The following PRSS16 variants were observed in gnomAD, a reference collection of about 807,000 sequenced individuals.
PRSS16 encodes serine protease 16, also known as thymus-specific serine protease.
A neutral mutation model predicts 61.7 loss-of-function variants in PRSS16; 43 were observed. That is an observed-to-expected ratio of 0.70 (90% CI 0.55 to 0.90). The LOEUF is 0.90. PRSS16 is among the 40% of genes least tolerant of loss of function. The pLI, the probability that PRSS16 is intolerant of heterozygous loss-of-function variation, is 0.00. For synonymous variants in PRSS16, 273 were observed against 285.2 expected (o/e 0.96, Z 0.43); for missense variants, 591 against 659.1 (o/e 0.90, Z 1.13).
At chr6:27,248,582 A>C (rs1761270118) in intron 2 of PRSS16, among the ~76,000 whole-genome samples, 1 of 152,118 alleles carries the variant, frequency 6.6e-6, no homozygotes, top group Admixed American at 6.6e-5. Flanking sequence ...AGAAATAGCA[A>C]GTTCCTTCAA....
chr6:27,251,110 G>A lies in PRSS16; in HGVS notation c.660G>A (p.Glu220=), dbSNP rs1325617719. 1 of 1,614,138 alleles carries A rather than the reference G, an allele frequency of 6.2e-7. No homozygotes were observed. The highest frequency in any genetic ancestry group is 1.7e-5 in the Admixed American group (1 of 60,032). ...TGCGGGCCGTGCTGGATTTCTCCGAGTATAATGACGTAAGGATGGCGGGCA... is the reference window on the plus strand; with the variant it reads ...TGCGGGCCGTGCTGGATTTCTCCGAATATAATGACGTAAGGATGGCGGGCA... The part of the protein sequence containing the change: ...APVRAVLDFS[E]YNDVVSRSLM... Residue 220 remains glutamate (E), a synonymous_variant, in exon 6 of 12, where the codon GAG becomes GAA. Transcript: ENST00000230582. The surrounding 1 kb of genome is among the most constrained non-coding windows in gnomAD (Gnocchi z 5.6).
chr6:27,254,857 G>C lies in PRSS16; in HGVS notation c.1315G>C (p.Val439Leu), dbSNP rs1325274392. 3 of 1,613,976 alleles carry C rather than the reference G, an allele frequency of 1.9e-6. No individual in the cohort carries two copies. The highest frequency in any genetic ancestry group is 2.5e-6 in the Non-Finnish European group (3 of 1,179,980). ...TGGCCAGACCCCTGGGGCTAACAAA[G>C]TGCTGTTTGTTAATGGTGAGCATGC... ...YGGQTPGANKVLFVNGDTDPW... is the reference protein window; with the variant it reads ...YGGQTPGANKLLFVNGDTDPW... The change falls in exon 10 of 12, where the codon GTG becomes CTG. Residue 439 changes from valine to leucine, a missense_variant. Physicochemically the swap from Val to Leu is conservative, Grantham distance 32 (BLOSUM62 1). Coordinates refer to ENST00000230582, the MANE Select transcript of PRSS16 (RefSeq NM_005865.4).
intron 4 of PRSS16, among the ~76,000 whole-genome samples, chr6:27,249,621 G>A (rs1438402450): frequency 6.6e-6 from 1 of 152,158 alleles, no homozygotes; most frequent in African/African-American, 2.4e-5. Flanking sequence ...GATCCTCCCT[G>A]GCTTAAGTCC....
chr6:27,251,163 G>T lies in PRSS16; in HGVS notation c.669+44G>T. 6.2e-7 allele frequency: 1 copy of T among 1,613,994 alleles called. No individual in the cohort carries two copies. The highest frequency in any genetic ancestry group is 8.5e-7 in the Non-Finnish European group (1 of 1,180,008). Reference sequence around the variant, plus strand: ...AGGTGCGGGACGGGGAGGGGTCCCAGCGGGCGGAGTCCCTTGACACTTCCG... The same window carrying T: ...AGGTGCGGGACGGGGAGGGGTCCCATCGGGCGGAGTCCCTTGACACTTCCG... On this transcript the variant is annotated intron_variant, in intron 6 of 11. Coordinates refer to ENST00000230582, the MANE Select transcript of PRSS16 (RefSeq NM_005865.4). The surrounding 1 kb of genome is among the most constrained non-coding windows in gnomAD (Gnocchi z 5.6).
chr6:27,251,573 C>A lies in PRSS16; in HGVS notation c.718-177C>A. 3 of 440,076 alleles carry A rather than the reference C, an allele frequency of 6.8e-6. No homozygotes were observed. Among genetic ancestry groups the A allele is most frequent in the Non-Finnish European group, 3.3e-6 (1 of 305,492 alleles). The allele number at this position is 440,076 out of a possible 1,614,324, so 27.3% of individuals were successfully genotyped here. A position where few individuals can be genotyped will look rare whatever the true frequency, so the allele number is the denominator to read the frequency against. ...AGGGAAGACCCGAGAAGGAGGGCTG[C>A]GAGGCAGGGGATTGGGGGCGGGGGC... On this transcript the variant is annotated intron_variant, in intron 7 of 11. Coordinates refer to ENST00000230582, the MANE Select transcript of PRSS16 (RefSeq NM_005865.4). The surrounding 1 kb of genome is among the most constrained non-coding windows in gnomAD (Gnocchi z 5.6).
chr6:27,252,665 C>T lies in PRSS16; in HGVS notation c.1009-143C>T. ...TCACAAGGACCCAGGCATCCACCCC[C>T]TCTGACCACTGACTCCCAGGAGAAC... On this transcript the variant is annotated intron_variant, in intron 8 of 11. Coordinates refer to ENST00000230582, the MANE Select transcript of PRSS16 (RefSeq NM_005865.4). This position sits in a 1 kb window ranked among gnomAD's most constrained non-coding sequence, Gnocchi z 4.2. The T allele has an allele frequency of 1.2e-6, 1 of 827,516 alleles. No individual in the cohort carries two copies. Among genetic ancestry groups the T allele is most frequent in the Non-Finnish European group, 1.9e-6 (1 of 525,712 alleles). 51.3% of individuals were successfully genotyped at this position (827,516 alleles called of 1,614,324 possible).
intron 9 of PRSS16, 34 bp from the exon 10 acceptor site, chr6:27,254,659 G>C: frequency 6.4e-7 from 1 of 1,555,992 alleles, no homozygotes; most frequent in African/African-American, 1.4e-5. Context: ...TGGGCTGCCT[G>C]TATACCCACA....
In PRSS16 at chr6:27,247,986, G is replaced by C; in HGVS notation, c.175G>C (p.Val59Leu). 1.2e-6 allele frequency: 2 copies of C among 1,613,382 alleles called. No homozygotes were observed. The highest frequency in any genetic ancestry group is 3.3e-5 in the Admixed American group (2 of 59,914). ...GCCAGGTGCTGCAGCCCTCCCAAAA[G>C]TGGGGTGGCTGGAGCAACTGCTGGA... Reference protein sequence around the residue: ...LGPGAAALPKVGWLEQLLDPF... With the variant: ...LGPGAAALPKLGWLEQLLDPF... Residue 59 changes from valine (V) to leucine (L), a missense_variant, in exon 2 of 12, where the codon GTG becomes CTG. Val to Leu is a conservative substitution (Grantham distance 32, BLOSUM62 1). Transcript: ENST00000230582.
chr6:27,251,079 C>T lies in PRSS16; in HGVS notation c.629C>T (p.Ala210Val), dbSNP rs368386726. 1.9e-6 allele frequency: 3 copies of T among 1,614,002 alleles called. No individual in the cohort carries two copies. The African/African-American group carries it at 4.0e-5, about 22-fold the overall frequency. Reference protein sequence around the residue: ...HLIFASVASSAPVRAVLDFSE... With the variant: ...HLIFASVASSVPVRAVLDFSE... ...ATTTTCGCGTCGGTCGCCTCCTCCG[C>T]CCCGGTGCGGGCCGTGCTGGATTTC... Residue 210 changes from alanine (A) to valine (V), a missense_variant, in exon 6 of 12, where the codon GCC (alanine) becomes GTC (valine). By Grantham distance (64) the Ala-to-Val change is moderately conservative (BLOSUM62 0). Transcript: ENST00000230582. The surrounding 1 kb of genome is among the most constrained non-coding windows in gnomAD (Gnocchi z 5.6).
At position 27,251,084 on chromosome 6, in the gene PRSS16, G is replaced by C; in HGVS notation, c.634G>C (p.Val212Leu). 3.1e-6 allele frequency: 5 copies of C among 1,614,100 alleles called. No individual in the cohort carries two copies. The highest frequency in any genetic ancestry group is 4.2e-6 in the Non-Finnish European group (5 of 1,180,030). Reference protein sequence around the residue: ...IFASVASSAPVRAVLDFSEYN... With the variant: ...IFASVASSAPLRAVLDFSEYN... ...CGCGTCGGTCGCCTCCTCCGCCCCG[G>C]TGCGGGCCGTGCTGGATTTCTCCGA... The change falls in exon 6 of 12, where the codon GTG (valine) becomes CTG (leucine). Residue 212 changes from valine (V) to leucine (L), a missense_variant. Physicochemically the swap from Val to Leu is conservative, Grantham distance 32. Coordinates refer to ENST00000230582, the MANE Select transcript of PRSS16 (RefSeq NM_005865.4). This position sits in a 1 kb window ranked among gnomAD's most constrained non-coding sequence, Gnocchi z 5.6.
intron 9 of PRSS16, chr6:27,253,588 T>C: frequency 2.8e-6 from 1 of 352,438 alleles, no homozygotes; most frequent in Non-Finnish European, 5.7e-6. Context: ...CAGTTAAATT[T>C]GAATTTCAGA....
In PRSS16 at chr6:27,254,480, T is replaced by A. The variant is rs116416885; in HGVS notation, c.1151-213T>A. On this transcript the variant is annotated intron_variant, in intron 9 of 11. Transcript: ENST00000230582. ...TGAGCCCATCATGTTTCCTCTGGGA[T>A]CCCTGCCTTGTGGCCTTTTTCCATC... The A allele has an allele frequency of 4.1e-3, 2,149 of 526,260 alleles. 20 individuals are homozygous for A. The highest frequency in any genetic ancestry group is 0.028 in the African/African-American group (1,495 of 52,762). 32.6% of individuals were successfully genotyped at this position (526,260 alleles called of 1,614,324 possible). A position where few individuals can be genotyped will look rare whatever the true frequency, so the allele number is the denominator to read the frequency against.
Position 27,254,676 on chromosome 6 carries a change from G to A in PRSS16, c.1151-17G>A, listed in dbSNP as rs1445166923. On this transcript the variant is annotated splice_polypyrimidine_tract_variant and intron_variant, in intron 9 of 11. Transcript: ENST00000230582. The stretch of plus-strand genomic sequence containing the variant: ...GGCTGCCTGTATACCCACACTTACA[G>A]GTATCTCCCTACACAGATGTCACCT... 6.3e-7 allele frequency: 1 copy of A among 1,597,212 alleles called. No homozygotes were observed. Among genetic ancestry groups the A allele is most frequent in the Non-Finnish European group, 8.6e-7 (1 of 1,165,340 alleles).
chr6:27,247,996 T>C lies in PRSS16; in HGVS notation c.185T>C (p.Leu62Pro). The C allele has an allele frequency of 6.2e-7, 1 of 1,613,666 alleles. No individual in the cohort carries two copies. Among genetic ancestry groups the C allele is most frequent in the South Asian group, 1.1e-5 (1 of 91,002 alleles). ...GCAGCCCTCCCAAAAGTGGGGTGGCTGGAGCAACTGCTGGACCCCTTCAAC... is the reference window on the plus strand; with the variant it reads ...GCAGCCCTCCCAAAAGTGGGGTGGCCGGAGCAACTGCTGGACCCCTTCAAC... ...GAAALPKVGW[L>P]EQLLDPFNVS... The change falls in exon 2 of 12, where the codon CTG becomes CCG. Residue 62 changes from leucine (L) to proline (P), a missense_variant. Physicochemically the swap from Leu to Pro is moderately conservative, Grantham distance 98 (BLOSUM62 -3). Coordinates refer to ENST00000230582, the MANE Select transcript of PRSS16 (RefSeq NM_005865.4).
Position 27,251,602 on chromosome 6 carries a change from G to C in PRSS16, c.718-148G>C, listed in dbSNP as rs527902578. On this transcript the variant is annotated intron_variant, in intron 7 of 11. Coordinates refer to ENST00000230582, the MANE Select transcript of PRSS16 (RefSeq NM_005865.4). The surrounding 1 kb of genome is among the most constrained non-coding windows in gnomAD (Gnocchi z 5.6). ...GCAGGGGATTGGGGGCGGGGGCCTG[G>C]GGGCGGGGGCCTGGGCCAAGAGCTA... The C allele has an allele frequency of 1.1e-5, 12 of 1,044,952 alleles. No individual in the cohort carries two copies. In the East Asian group the frequency reaches 3.3e-4, roughly 29 times the overall value. 64.7% of individuals were successfully genotyped at this position (1,044,952 alleles called of 1,614,324 possible).
intron 4 of PRSS16, among the ~76,000 whole-genome samples, chr6:27,249,802 C>T (rs1759834316): frequency 6.6e-6 from 1 of 152,168 alleles, no homozygotes. Context: ...TTGAAGTCCT[C>T]ACTGTCCTCC....
Position 27,252,773 on chromosome 6 carries a change from G to A in PRSS16, c.1009-35G>A. On this transcript the variant is annotated intron_variant, in intron 8 of 11. Coordinates refer to ENST00000230582, the MANE Select transcript of PRSS16 (RefSeq NM_005865.4). The surrounding 1 kb of genome is among the most constrained non-coding windows in gnomAD (Gnocchi z 4.2). The stretch of plus-strand genomic sequence containing the variant: ...CCCTGGCTTGCTGGGAAGAGAGGAG[G>A]AATTTATGTCTTATGTATGTACATT... The A allele has an allele frequency of 6.2e-7, 1 of 1,612,558 alleles. No individual in the cohort carries two copies. The highest frequency in any genetic ancestry group is 8.5e-7 in the Non-Finnish European group (1 of 1,179,246).
chr6:27,251,286 G>A lies in PRSS16; in HGVS notation c.717+22G>A, dbSNP rs765765990. 1.0e-5 allele frequency: 16 copies of A among 1,588,340 alleles called. No homozygotes were observed. The highest frequency in any genetic ancestry group is 1.4e-5 in the Non-Finnish European group (16 of 1,167,890). ...GGAGGTAGGAGGTGGGGCCTAGTCC[G>A]AGGGGGACTGGGAGGGAAAAGAGGC... is the stretch of plus-strand genomic sequence containing the variant. On this transcript the variant is annotated intron_variant, in intron 7 of 11. Coordinates refer to ENST00000230582, the MANE Select transcript of PRSS16 (RefSeq NM_005865.4). This position sits in a 1 kb window ranked among gnomAD's most constrained non-coding sequence, Gnocchi z 5.6.
In PRSS16 at chr6:27,251,888, G is replaced by C; in HGVS notation, c.856G>C (p.Gly286Arg). The change falls in exon 8 of 12, where the codon GGG (glycine) becomes CGG (arginine). Residue 286 changes from glycine (G) to arginine (R), a missense_variant. By Grantham distance (125) the Gly-to-Arg change is moderately radical. Transcript: ENST00000230582. The surrounding 1 kb of genome is among the most constrained non-coding windows in gnomAD (Gnocchi z 5.6). ...CGCTGAAAACCAGGCGGAGCTGTTG[G>C]GGGCGCTGCAGGCACTGGTGGGAGG... ...GRAENQAELL[G>R]ALQALVGGVV... is the part of the protein sequence containing the mutation. 1.2e-6 allele frequency: 2 copies of C among 1,613,446 alleles called. No homozygotes were observed. Among genetic ancestry groups the C allele is most frequent in the African/African-American group, 2.7e-5 (2 of 75,042 alleles).
Sources: gnomAD v4.1 joint callset for allele counts (sites outside exome capture counted in the v4.1 genomes callset) on GRCh38, gnomAD v4.1.1 for gene constraint, Gnocchi (gnomAD v3.1) non-coding constraint, MANE v1.5 for transcripts, NCBI Gene and HGNC (gene_info 2026-07-23, HGNC 2026-07-21) for gene names.